The following CACHD1 variants were observed in gnomAD, a reference collection of about 807,000 sequenced individuals.
The protein encoded by CACHD1 is cache domain containing 1.
A neutral mutation model predicts 138.7 loss-of-function variants in CACHD1; 71 were observed. The ratio of observed to expected loss-of-function variants is 0.51; its 90% CI spans 0.42 to 0.62. The LOEUF is 0.62. Ranked by LOEUF, CACHD1 falls within the 20% of genes least tolerant of loss-of-function variation. The pLI is 0.00. For synonymous variants in CACHD1, 578 were observed against 591.5 expected (o/e 0.98, Z 0.33); for missense variants, 1,389 against 1,625.3 (o/e 0.85, Z 2.50).
intron 1 of CACHD1, among the ~76,000 whole-genome samples, chr1:64,546,339 A>C (rs1388719597): frequency 1.4e-5 from 2 of 144,186 alleles, no homozygotes; most frequent in Non-Finnish European, 3.0e-5. Context: ...TTTTTCGTTT[A>C]CTTTTTTTTT....
At chr1:64,611,319 A>G (rs2100596406) in intron 4 of CACHD1, among the ~76,000 whole-genome samples, 1 of 152,304 alleles carries the variant, frequency 6.6e-6, no homozygotes, top group South Asian at 2.1e-4. Flanking sequence ...ATTTCTCCCC[A>G]GGAAATGGGT....
chr1:64,673,412 G>A lies in CACHD1; in HGVS notation c.2675G>A (p.Ser892Asn). ...PNFVKKNLCN[S>N]FSDRTVQRFY... ...TTTGTAAAGAAAAACCTGTGCAACA[G>A]CTTCAGTGACAGAACGGTCCAGAGG... Residue 892 changes from serine (S) to asparagine (N), a missense_variant, in exon 19 of 27, where the codon AGC becomes AAC. By Grantham distance (46) the Ser-to-Asn change is conservative (BLOSUM62 1). Coordinates refer to ENST00000651257, the MANE Select transcript of CACHD1 (RefSeq NM_020925.4). 3 of 1,614,148 alleles carry A rather than the reference G, an allele frequency of 1.9e-6. No individual in the cohort carries two copies. Among genetic ancestry groups the A allele is most frequent in the Non-Finnish European group, 2.5e-6 (3 of 1,180,006 alleles).
intron 1 of CACHD1, among the ~76,000 whole-genome samples, chr1:64,523,113 A>C (rs553680761): frequency 1.8e-4 from 28 of 152,238 alleles, no homozygotes; most frequent in Non-Finnish European, 3.4e-4. Context: ...TGGAATTGCT[A>C]TTAGTGTGAC....
intron 2 of CACHD1, among the ~76,000 whole-genome samples, chr1:64,571,683 CAAA>C (rs1646928029): frequency 6.6e-6 from 1 of 152,166 alleles, no homozygotes; most frequent in Non-Finnish European, 1.5e-5. Context: ...GATATTCTCT[CAAA>C]GAAGCCCTTG....
intron 1 of CACHD1, among the ~76,000 whole-genome samples, chr1:64,510,064 A>G (rs970014266): frequency 1.3e-5 from 2 of 152,240 alleles, no homozygotes; most frequent in Admixed American, 6.5e-5. Flanking sequence ...TTAGAGTGCT[A>G]GTTAAAACTG....
chr1:64,485,042 C>T (rs1347617656), intron 1 of CACHD1, among the ~76,000 whole-genome samples: 1 of 152,184 alleles, frequency 6.6e-6, no homozygotes, highest in African/African-American at 2.4e-5. Flanking sequence ...CGAGAAACTG[C>T]CGTACTGTTT....
chr1:64,691,655 T>C lies in CACHD1; in HGVS notation c.*94T>C, dbSNP rs1235308752. 2.7e-6 allele frequency: 3 copies of C among 1,114,928 alleles called. No homozygotes were observed. The highest frequency in any genetic ancestry group is 2.6e-6 in the Non-Finnish European group (2 of 759,734). The allele number at this position is 1,114,928 out of a possible 1,614,324, so 69.1% of individuals were successfully genotyped here. On this transcript the variant is annotated 3_prime_UTR_variant, in exon 27 of 27. Coordinates refer to ENST00000651257, the MANE Select transcript of CACHD1 (RefSeq NM_020925.4). The stretch of plus-strand genomic sequence containing the variant: ...GGCTTAAAACCCACAGCAAGAGACC[T>C]CCCTTGTGTTTGTGCTTTGTGCAGA...
chr1:64,657,610 G>A (rs1649309262), intron 12 of CACHD1, among the ~76,000 whole-genome samples: 1 of 152,160 alleles, frequency 6.6e-6, no homozygotes, highest in South Asian at 2.1e-4. Flanking sequence ...GAATATCTTT[G>A]CCAGCAGTAC....
intron 26 of CACHD1, among the ~76,000 whole-genome samples, chr1:64,687,479 G>C (rs1192497966): frequency 6.6e-6 from 1 of 152,194 alleles, no homozygotes; most frequent in Non-Finnish European, 1.5e-5. Flanking sequence ...AAGCACCTCT[G>C]TTGAGGTTCC....
At position 64,663,558 on chromosome 1, in the gene CACHD1, A is replaced by C. The variant is rs1303982152; in HGVS notation, c.1952-137A>C. ...AGAGCGAGACTCCATCTGAAAAAAAAAAAAAAAGAAAAAAAGGAAAAAAAA... is the reference window on the plus strand; with the variant it reads ...AGAGCGAGACTCCATCTGAAAAAAACAAAAAAAGAAAAAAAGGAAAAAAAA... On this transcript the variant is annotated intron_variant, in intron 13 of 26. Transcript: ENST00000651257. 6.8e-6 allele frequency: 8 copies of C among 1,174,352 alleles called. No individual in the cohort carries two copies. In the South Asian group the frequency reaches 1.2e-4, roughly 18 times the overall value. The allele number at this position is 1,174,352 out of a possible 1,614,324, so 72.7% of individuals were successfully genotyped here. A position where few individuals can be genotyped will look rare whatever the true frequency, so the allele number is the denominator to read the frequency against.
At chr1:64,648,572 A>C (rs1016550333) in intron 9 of CACHD1, among the ~76,000 whole-genome samples, 1 of 152,234 alleles carries the variant, frequency 6.6e-6, no homozygotes, top group African/African-American at 2.4e-5. Context: ...GATTACCTAG[A>C]TATTATAAAA....
chr1:64,615,822 C>T (rs994353749), intron 4 of CACHD1, among the ~76,000 whole-genome samples: 1 of 152,154 alleles, frequency 6.6e-6, no homozygotes, highest in Non-Finnish European at 1.5e-5. Flanking sequence ...TCACATGAAA[C>T]CATCTATGAT....
chr1:64,563,208 C>A (rs971113900), intron 2 of CACHD1, among the ~76,000 whole-genome samples: 2 of 108,826 alleles, frequency 1.8e-5, no homozygotes, highest in Non-Finnish European at 3.5e-5. Context: ...GAGTATTTTT[C>A]TGAGTTGTTA....
At chr1:64,685,926 C>T (rs1441591471) in intron 26 of CACHD1, among the ~76,000 whole-genome samples, 1 of 152,126 alleles carries the variant, frequency 6.6e-6, no homozygotes, top group Admixed American at 6.5e-5. Flanking sequence ...GCACGGTGCT[C>T]AGGGTTGACC....
chr1:64,640,005 G>T (rs897396803), intron 7 of CACHD1, among the ~76,000 whole-genome samples: 5 of 152,214 alleles, frequency 3.3e-5, no homozygotes, highest in African/African-American at 9.7e-5. Context: ...AGTTCCAGGG[G>T]CCTCTGTTCC....
At chr1:64,524,889 T>G (rs898602021) in intron 1 of CACHD1, among the ~76,000 whole-genome samples, 17 of 152,264 alleles carry the variant, frequency 1.1e-4, no homozygotes, top group African/African-American at 3.8e-4. Context: ...AATATAGCAC[T>G]CCCATGTATG....
At chr1:64,566,961 G>T (rs1349746783) in intron 2 of CACHD1, among the ~76,000 whole-genome samples, 1 of 152,138 alleles carries the variant, frequency 6.6e-6, no homozygotes, top group Non-Finnish European at 1.5e-5. Context: ...GAGAGTAAAT[G>T]GTATGTGTTG....
At chr1:64,596,168 T>G (rs2100565466) in intron 3 of CACHD1, among the ~76,000 whole-genome samples, 1 of 152,360 alleles carries the variant, frequency 6.6e-6, no homozygotes, top group South Asian at 2.1e-4. Context: ...GAAGTGATCC[T>G]GCTCTTGCCC....
chr1:64,478,391 T>C (rs1328157550), intron 1 of CACHD1, among the ~76,000 whole-genome samples: 1 of 152,208 alleles, frequency 6.6e-6, no homozygotes, highest in Non-Finnish European at 1.5e-5. Context: ...ATGAACTGCA[T>C]CTACTGCTTG....
Sources: allele counts gnomAD v4.1 joint callset (sites outside exome capture counted in the v4.1 genomes callset), GRCh38; gene constraint gnomAD v4.1.1; transcripts MANE v1.5; gene names NCBI Gene and HGNC (gene_info 2026-07-23, HGNC 2026-07-21).